The following NNT variants were observed in gnomAD, a reference collection of about 807,000 sequenced individuals.
The protein encoded by NNT is nicotinamide nucleotide transhydrogenase, also known as NAD(P) transhydrogenase, mitochondrial.
Under a neutral mutation model 104.8 loss-of-function variants are expected in NNT, and 50 were observed. That is an observed-to-expected ratio of 0.48 (90% CI 0.38 to 0.60). The LOEUF is 0.60. Among genes scored for constraint, NNT ranks in the 20% least tolerant of loss-of-function variants. NNT has a pLI of 0.00. For missense variants in NNT, 1,131 were observed against 1,330.7 expected (o/e 0.85, Z 2.33); for synonymous variants, 461 against 490.4 (o/e 0.94, Z 0.79).
intron 14 of NNT, 134 bp from the exon 15 acceptor site, chr5:43,655,706 G>A (rs1561295117): frequency 1.5e-6 from 1 of 667,826 alleles, no homozygotes; most frequent in African/African-American, 1.8e-5. Flanking sequence ...CCCCTGTAGA[G>A]AATATTTAGC....
At chr5:43,628,145 A>T in intron 6 of NNT, 55 bp from the exon 7 acceptor site, 5 of 1,335,974 alleles carry the variant, frequency 3.7e-6, no homozygotes, top group Non-Finnish European at 5.0e-6. Flanking sequence ...GATGATCTTG[A>T]CTTCTTTATT....
At chr5:43,627,022 A>G (rs1750405590) in intron 6 of NNT, among the ~76,000 whole-genome samples, 1 of 152,154 alleles carries the variant, frequency 6.6e-6, no homozygotes, top group Admixed American at 6.5e-5. Flanking sequence ...CCATTAGAAA[A>G]TGTATTATTT....
rs1046457938 is a variant in NNT, at chr5:43,653,226, G to A, written c.2059+13G>A. ...GGTGGTACCATTGGTAAGCACTTGTGGGCTTCTGCCTTCATGTGAACTCCA... is the reference window on the plus strand; with the variant it reads ...GGTGGTACCATTGGTAAGCACTTGTAGGCTTCTGCCTTCATGTGAACTCCA... On this transcript the variant is annotated intron_variant, in intron 14 of 21. Coordinates refer to ENST00000344920, the MANE Select transcript of NNT (RefSeq NM_182977.3). 6.2e-7 allele frequency: 1 copy of A among 1,603,692 alleles called. No homozygotes were observed. Among genetic ancestry groups the A allele is most frequent in the African/African-American group, 1.3e-5 (1 of 74,664 alleles).
chr5:43,652,887 T>C, intron 13 of NNT, 131 bp from the exon 14 acceptor site: 1 of 599,278 alleles, frequency 1.7e-6, no homozygotes, highest in Non-Finnish European at 2.7e-6. Flanking sequence ...TTTATATAAA[T>C]GGTATAAGTG....
At chr5:43,667,471 T>C (rs1417851331) in intron 17 of NNT, among the ~76,000 whole-genome samples, 1 of 152,058 alleles carries the variant, frequency 6.6e-6, no homozygotes, top group Non-Finnish European at 1.5e-5. Context: ...CCTGTGTCCA[T>C]GTGTTCTCAT....
chr5:43,701,260 G>C (rs1361151564), intron 20 of NNT, among the ~76,000 whole-genome samples: 1 of 152,062 alleles, frequency 6.6e-6, no homozygotes, highest in Non-Finnish European at 1.5e-5. Flanking sequence ...TAGTCTCCAG[G>C]TTCTATTGTT....
intron 5 of NNT, among the ~76,000 whole-genome samples, chr5:43,620,577 TCTC>T (rs1041613788): frequency 6.7e-6 from 1 of 149,562 alleles, no homozygotes; most frequent in African/African-American, 2.6e-5. Context: ...ACAAAATAAA[TCTC>T]CTGGAAAAAA....
intron 2 of NNT, among the ~76,000 whole-genome samples, chr5:43,609,858 C>T (rs1322741581): frequency 3.3e-5 from 5 of 152,226 alleles, no homozygotes; most frequent in Non-Finnish European, 7.3e-5. Flanking sequence ...AAACTGTCCT[C>T]TTCTTGCCAT....
chr5:43,650,663 G>C (rs1471240063), intron 12 of NNT, 76 bp downstream of exon 12: 1 of 1,107,820 alleles, frequency 9.0e-7, no homozygotes, highest in African/African-American at 1.5e-5. Context: ...ATATAAAATA[G>C]ACATAATTGT....
intron 19 of NNT, among the ~76,000 whole-genome samples, chr5:43,697,837 T>G (rs986844829): frequency 6.6e-6 from 1 of 152,154 alleles, no homozygotes; most frequent in African/African-American, 2.4e-5. Context: ...CTTGTGAAAC[T>G]TATTCACTAT....
chr5:43,652,952 A>G (rs906251238), intron 13 of NNT, 66 bp from the exon 14 acceptor site: 45 of 1,256,426 alleles, frequency 3.6e-5, no homozygotes, highest in Admixed American at 1.5e-4. Flanking sequence ...AGGAAAATAT[A>G]TTGAAATCTC....
intron 5 of NNT, among the ~76,000 whole-genome samples, chr5:43,619,932 G>A (rs1172693804): frequency 1.3e-5 from 2 of 152,010 alleles, no homozygotes; most frequent in African/African-American, 4.8e-5. Flanking sequence ...TGGTGAGAGA[G>A]GAATCAAGAG....
At position 43,659,201 on chromosome 5, in the gene NNT, G is replaced by A; in HGVS notation, c.2485G>A (p.Ala829Thr). The change falls in exon 17 of 22, where the codon GCT (alanine) becomes ACT (threonine). Residue 829 changes from alanine (A) to threonine (T), a missense_variant. Coordinates refer to ENST00000344920, the MANE Select transcript of NNT (RefSeq NM_182977.3). ...GACTTTGACAGCTGCTATTGGGGGT[G>A]CTGACATGCCCGTCGTTATCACTGT... is the stretch of plus-strand genomic sequence containing the variant. ...GVTLTAAIGG[A>T]DMPVVITVLN... The A allele has an allele frequency of 6.2e-7, 1 of 1,612,578 alleles. No homozygotes were observed. The highest frequency in any genetic ancestry group is 8.5e-7 in the Non-Finnish European group (1 of 1,179,250).
chr5:43,698,081 TAC>T (rs113357086), intron 19 of NNT, among the ~76,000 whole-genome samples: 26 of 150,002 alleles, frequency 1.7e-4, no homozygotes, highest in African/African-American at 2.2e-4. Flanking sequence ...TTTGGATATA[TAC>T]ACACACACAC....
At chr5:43,648,183 G>T (rs1359809210) in intron 10 of NNT, 2 of 1,074,310 alleles carry the variant, frequency 1.9e-6, no homozygotes, top group Non-Finnish European at 2.3e-6. Context: ...TGATATGTGG[G>T]TAGGAAAATA....
intron 17 of NNT, among the ~76,000 whole-genome samples, chr5:43,661,690 T>C (rs1016021117): frequency 1.7e-4 from 25 of 151,434 alleles, no homozygotes; most frequent in Admixed American, 1.2e-3. Context: ...GATAGTTTAC[T>C]GAGAATGATG....
At chr5:43,663,980 C>A (rs544531575) in intron 17 of NNT, among the ~76,000 whole-genome samples, 1 of 152,196 alleles carries the variant, frequency 6.6e-6, no homozygotes, top group Non-Finnish European at 1.5e-5. Context: ...GTATGTTGAC[C>A]TTCACTCTTA....
rs367728055 is a variant in NNT, at chr5:43,656,763, A to G, written c.2404A>G (p.Thr802Ala). The G allele has an allele frequency of 1.9e-6, 3 of 1,614,042 alleles. No individual in the cohort carries two copies. The highest frequency in any genetic ancestry group is 2.2e-5 in the East Asian group (1 of 44,878). The change falls in exon 16 of 22, where the codon ACT becomes GCT. Residue 802 changes from threonine to alanine, a missense_variant. Thr to Ala is a moderately conservative substitution (Grantham distance 58). Coordinates refer to ENST00000344920, the MANE Select transcript of NNT (RefSeq NM_182977.3). ...CCCATTCATGGTGGACCCAAGCTTT[A>G]CTACTGGCATCACCTGTCTGGGTTC... Reference protein sequence around the residue: ...IIPFMVDPSFTTGITCLGSVS... With the variant: ...IIPFMVDPSFATGITCLGSVS...
chr5:43,640,211 A>G (rs1331495378), intron 7 of NNT, among the ~76,000 whole-genome samples: 1 of 152,048 alleles, frequency 6.6e-6, no homozygotes, highest in Non-Finnish European at 1.5e-5. Context: ...TGTAGAGGGC[A>G]TCTCTTTATA....
Sources: gnomAD v4.1 joint callset for allele counts (sites outside exome capture counted in the v4.1 genomes callset) on GRCh38, gnomAD v4.1.1 for gene constraint, MANE v1.5 for transcripts, NCBI Gene and HGNC (gene_info 2026-07-23, HGNC 2026-07-21) for gene names.